CNTN5: variants seen among roughly 807,000 people sequenced by gnomAD.
The protein encoded by CNTN5 is contactin 5, also known as contactin-5.
In CNTN5, 77 loss-of-function variants were observed where a neutral mutation model predicts 129.1. The ratio of observed to expected loss-of-function variants is 0.60; its 90% CI spans 0.50 to 0.72. The LOEUF (loss-of-function observed/expected upper bound fraction) is 0.72. CNTN5 is among the 30% of genes least tolerant of loss of function. The pLI is 0.00. For missense variants in CNTN5, 1,478 were observed against 1,328.8 expected, an observed-to-expected ratio of 1.11 and a Z score of -1.75; for synonymous variants, 509 against 465.6, an observed-to-expected ratio of 1.09 and a Z score of -1.20.
chr11:99,672,114 T>C (rs1021826396), intron 3 of CNTN5, among the ~76,000 whole-genome samples: 3 of 152,214 alleles, frequency 2.0e-5, no homozygotes, highest in Non-Finnish European at 2.9e-5. Flanking sequence ...CGTATTCTTA[T>C]GATTCAGTTC....
chr11:99,962,157 C>T (rs1309636913), intron 8 of CNTN5, among the ~76,000 whole-genome samples: 1 of 151,952 alleles, frequency 6.6e-6, no homozygotes, highest in African/African-American at 2.4e-5. Flanking sequence ...TATTTTTATT[C>T]AAAAACTGTT....
intron 3 of CNTN5, among the ~76,000 whole-genome samples, chr11:99,791,261 G>A (rs1293715025): frequency 6.6e-6 from 1 of 151,926 alleles, no homozygotes; most frequent in Non-Finnish European, 1.5e-5. Context: ...ATCTTCCAGG[G>A]TTTTAATAAT....
chr11:99,640,429 C>G (rs1951729445), intron 3 of CNTN5, among the ~76,000 whole-genome samples: 1 of 152,132 alleles, frequency 6.6e-6, no homozygotes, highest in Admixed American at 6.6e-5. Context: ...CTGATAAACC[C>G]ATCAGATCTC....
At chr11:99,543,836 G>A (rs1948192845) in intron 2 of CNTN5, among the ~76,000 whole-genome samples, 1 of 142,766 alleles carries the variant, frequency 7.0e-6, no homozygotes, top group Admixed American at 7.8e-5. Context: ...CAGGAGAATT[G>A]CTTGAACTCA....
At chr11:99,477,553 T>A (rs1013483220) in intron 2 of CNTN5, among the ~76,000 whole-genome samples, 1 of 152,040 alleles carries the variant, frequency 6.6e-6, no homozygotes, top group Non-Finnish European at 1.5e-5. Flanking sequence ...TATATGCGTT[T>A]ATAGACAAAC....
chr11:99,865,257 A>C (rs1262308486), intron 6 of CNTN5, among the ~76,000 whole-genome samples: 1 of 152,154 alleles, frequency 6.6e-6, no homozygotes, highest in African/African-American at 2.4e-5. Flanking sequence ...TCTTCATAAG[A>C]ATATAAATGT....
intron 3 of CNTN5, among the ~76,000 whole-genome samples, chr11:99,735,627 C>G (rs1943680574): frequency 6.6e-6 from 1 of 152,114 alleles, no homozygotes; most frequent in African/African-American, 2.4e-5. Flanking sequence ...AAACGGGAAG[C>G]CTACTGAAAT....
chr11:99,835,323 CTG>C (rs1250370941), intron 4 of CNTN5, among the ~76,000 whole-genome samples: 1 of 152,130 alleles, frequency 6.6e-6, no homozygotes, highest in Non-Finnish European at 1.5e-5. Context: ...GGATTTTTAA[CTG>C]TGGTTGTGAG....
intron 18 of CNTN5, among the ~76,000 whole-genome samples, chr11:100,282,953 G>A (rs4329658): frequency 6.6e-6 from 1 of 151,902 alleles, no homozygotes; most frequent in Non-Finnish European, 1.5e-5. Flanking sequence ...TTGGCGAATG[G>A]TGCCTGGCCT....
chr11:100,161,872 C>CACACAA (rs1191557675), intron 13 of CNTN5, among the ~76,000 whole-genome samples: 123 of 127,672 alleles, frequency 9.6e-4, no homozygotes, highest in African/African-American at 3.3e-3. Context: ...CACACACACA[C>CACACAA]AAAACAAAAA....
chr11:99,577,456 A>G (rs1191975443), intron 3 of CNTN5, among the ~76,000 whole-genome samples: 1 of 152,170 alleles, frequency 6.6e-6, no homozygotes. Context: ...CAGGACAAAT[A>G]GATGTTTTTA....
intron 2 of CNTN5, among the ~76,000 whole-genome samples, chr11:99,326,277 T>C (rs1591525905): frequency 6.6e-6 from 1 of 152,222 alleles, no homozygotes; most frequent in African/African-American, 2.4e-5. Flanking sequence ...ACCAAGAAGG[T>C]CAATACACTA....
chr11:100,170,678 T>C (rs1295468199), intron 13 of CNTN5, among the ~76,000 whole-genome samples: 6 of 151,940 alleles, frequency 3.9e-5, no homozygotes, highest in South Asian at 4.1e-4. Flanking sequence ...GTGTCATCCA[T>C]AGACAAGGAC....
chr11:99,845,787 A>G (rs1020892837), intron 6 of CNTN5, among the ~76,000 whole-genome samples: 1 of 151,496 alleles, frequency 6.6e-6, no homozygotes, highest in Non-Finnish European at 1.5e-5. Context: ...TTTAGAATTC[A>G]TAACAGTCTA....
intron 1 of CNTN5, among the ~76,000 whole-genome samples, chr11:99,285,431 G>A (rs986633660): frequency 3.3e-5 from 5 of 152,096 alleles, no homozygotes; most frequent in African/African-American, 1.2e-4. Context: ...ATTTCATGAG[G>A]AGGGAACATT....
chr11:99,803,323 C>T, intron 3 of CNTN5, among the ~76,000 whole-genome samples: 1 of 152,290 alleles, frequency 6.6e-6, no homozygotes, highest in East Asian at 1.9e-4. Context: ...CTGGAGAAAC[C>T]ACAGCTGTAG....
At chr11:99,662,627 C>T (rs676649) in intron 3 of CNTN5, among the ~76,000 whole-genome samples, 105,016 of 152,042 alleles carry the variant, frequency 0.69, 36,797 homozygotes, top group Admixed American at 0.79. Flanking sequence ...AGTAATAAAC[C>T]TTTAACATAT....
intron 1 of CNTN5, among the ~76,000 whole-genome samples, chr11:99,036,732 G>A (rs1362317590): frequency 6.6e-6 from 1 of 151,058 alleles, no homozygotes; most frequent in Non-Finnish European, 1.5e-5. Context: ...CCAACACACT[G>A]TGCTACCAAA....
chr11:99,698,302 T>C (rs1954362666), intron 3 of CNTN5, among the ~76,000 whole-genome samples: 1 of 151,496 alleles, frequency 6.6e-6, no homozygotes, highest in Non-Finnish European at 1.5e-5. Context: ...ACTTGTAATT[T>C]GATTATTTAA....
Sources: allele counts gnomAD v4.1 joint callset (sites outside exome capture counted in the v4.1 genomes callset), GRCh38; gene constraint gnomAD v4.1.1; transcripts MANE v1.5; gene names NCBI Gene and HGNC (gene_info 2026-07-23, HGNC 2026-07-21).